Variants in TMEM63C observed in about 807,000 individuals in gnomAD.
TMEM63C encodes the protein osmosensitive cation channel TMEM63C.
Under a neutral mutation model 99.2 loss-of-function variants are expected in TMEM63C, and 32 were observed. That is an observed-to-expected ratio of 0.32 (90% CI 0.24 to 0.43). TMEM63C has a LOEUF of 0.43. Among genes scored for constraint, TMEM63C ranks in the 20% least tolerant of loss-of-function variants. The pLI is 1.00. For missense variants in TMEM63C, 826 were observed against 1,053.0 expected (o/e 0.78, Z 2.98); for synonymous variants, 376 against 397.9 (o/e 0.94, Z 0.66).
Position 77,256,459 on chromosome 14 carries a change from G to C in TMEM63C, c.2221-67G>C, listed in dbSNP as rs1309827856. ...GCGATGGGGGTGGGGCATGAGGGGA[G>C]AGGGTGTGCCCAGGGCCTTGCCCCC... On this transcript the variant is annotated intron_variant, in intron 23 of 23. Coordinates refer to ENST00000298351, the MANE Select transcript of TMEM63C (RefSeq NM_020431.4). The C allele has an allele frequency of 2.7e-6, 4 of 1,507,576 alleles. No individual in the cohort carries two copies. In the African/African-American group the frequency reaches 4.1e-5, roughly 16 times the overall value. The allele number at this position is 1,507,576 out of a possible 1,614,324, so 93.4% of individuals were successfully genotyped here. A position where few individuals can be genotyped will look rare whatever the true frequency, so the allele number is the denominator to read the frequency against.
intron 1 of TMEM63C, among the ~76,000 whole-genome samples, chr14:77,200,596 C>T (rs1405942999): frequency 6.6e-6 from 1 of 152,224 alleles, no homozygotes; most frequent in Non-Finnish European, 1.5e-5. Flanking sequence ...ACAGATGGCG[C>T]CAGAGCCCAG....
At chr14:77,208,206 G>A (rs549528939) in intron 1 of TMEM63C, among the ~76,000 whole-genome samples, 35 of 152,328 alleles carry the variant, frequency 2.3e-4, no homozygotes, top group African/African-American at 7.2e-4. Flanking sequence ...GCAGGGTCTC[G>A]AAATCACTGG....
At chr14:77,185,106 C>A (rs1023880897) in intron 1 of TMEM63C, among the ~76,000 whole-genome samples, 1 of 152,198 alleles carries the variant, frequency 6.6e-6, no homozygotes, top group Non-Finnish European at 1.5e-5. Flanking sequence ...CAAAGGGAAA[C>A]CGAAGCATAG....
At position 77,184,555 on chromosome 14, in the gene TMEM63C, G is replaced by A. The variant is rs368004261; in HGVS notation, c.-77+2661G>A. 1.4e-3 allele frequency among the ~76,000 whole-genome samples: 211 copies of A among 152,286 alleles called. 2 individuals are homozygous for A. Among genetic ancestry groups the A allele is most frequent in the South Asian group, 8.7e-3 (42 of 4,824 alleles). ...GAGCGTCCAGTTTGCAGGAACCCAC[G>A]TGGTGCTCAGGCCATGGGCAGGCTC... is the stretch of plus-strand genomic sequence containing the variant. On this transcript the variant is annotated intron_variant, in intron 1 of 23. Coordinates refer to ENST00000298351, the MANE Select transcript of TMEM63C (RefSeq NM_020431.4).
chr14:77,205,187 G>A (rs987416652), intron 1 of TMEM63C, among the ~76,000 whole-genome samples: 2 of 152,330 alleles, frequency 1.3e-5, no homozygotes, highest in African/African-American at 4.8e-5. Context: ...ATGGAAGTGA[G>A]GGGGAAGTTT....
chr14:77,221,711 C>T (rs1466792564), intron 5 of TMEM63C, among the ~76,000 whole-genome samples: 1 of 145,884 alleles, frequency 6.9e-6, no homozygotes, highest in East Asian at 2.1e-4. Flanking sequence ...GCCTCAACCT[C>T]CTCAAATGTG....
chr14:77,233,118 G>C lies in TMEM63C; in HGVS notation c.494-334G>C, dbSNP rs1888973201. 2.0e-5 allele frequency among the ~76,000 whole-genome samples: 3 copies of C among 152,218 alleles called. No individual in the cohort carries two copies. In the South Asian group the frequency reaches 6.2e-4, roughly 32 times the overall value. On this transcript the variant is annotated intron_variant, in intron 7 of 23. Transcript: ENST00000298351. ...TTTCTGGACGTTGCCAGTGGTAATA[G>C]TGTTGCTAATTTCATCATTCTGCTC...
intron 8 of TMEM63C, among the ~76,000 whole-genome samples, 177 bp from the exon 9 acceptor site, chr14:77,236,442 TGGGGG>T (rs1889062700): frequency 5.1e-4 from 18 of 35,172 alleles, no homozygotes; most frequent in Admixed American, 1.1e-3. Context: ...TGGGTGGGGG[TGGGGG>T]ATACTGTAAT....
chr14:77,253,497 G>A, intron 23 of TMEM63C, 121 bp downstream of exon 23: 1 of 975,772 alleles, frequency 1.0e-6, no homozygotes, highest in Non-Finnish European at 1.6e-6. Context: ...AGGAGATGGG[G>A]GACCCCTGGG....
intron 21 of TMEM63C, among the ~76,000 whole-genome samples, chr14:77,251,468 G>A (rs887904727): frequency 1.3e-5 from 2 of 152,172 alleles, no homozygotes; most frequent in African/African-American, 2.4e-5. Context: ...GGCACTGGCA[G>A]AAATAGTCAC....
chr14:77,210,931 G>A (rs1594854624), intron 1 of TMEM63C, among the ~76,000 whole-genome samples: 1 of 152,202 alleles, frequency 6.6e-6, no homozygotes, highest in Admixed American at 6.5e-5. Context: ...TTTTCCTAGG[G>A]CATGGCTTGT....
At chr14:77,200,843 C>T (rs755548298) in intron 1 of TMEM63C, among the ~76,000 whole-genome samples, 7 of 152,196 alleles carry the variant, frequency 4.6e-5, no homozygotes, top group Admixed American at 4.6e-4. Context: ...ACTGGCTAGG[C>T]TCAAATCTCA....
In TMEM63C at chr14:77,234,012, G is replaced by A. The variant is rs184907395; in HGVS notation, c.542+512G>A. 2.6e-5 allele frequency among the ~76,000 whole-genome samples: 4 copies of A among 152,274 alleles called. No homozygotes were observed. In the East Asian group the frequency reaches 7.7e-4, roughly 29 times the overall value. ...GTCCTTATTCATGTCCATCATTGGG[G>A]AAGAGCTGGTGGACATGCTCTCTAA... On this transcript the variant is annotated intron_variant, in intron 8 of 23. Coordinates refer to ENST00000298351, the MANE Select transcript of TMEM63C (RefSeq NM_020431.4).
At chr14:77,253,034 G>T (rs974418664) in intron 22 of TMEM63C, among the ~76,000 whole-genome samples, 1 of 152,242 alleles carries the variant, frequency 6.6e-6, no homozygotes, top group Non-Finnish European at 1.5e-5. Flanking sequence ...AGTCAAAGCA[G>T]GCTCATCTTT....
At chr14:77,186,776 G>GGTGT (rs750331360) in intron 1 of TMEM63C, among the ~76,000 whole-genome samples, 6,361 of 138,430 alleles carry the variant, frequency 0.046, 206 homozygotes, top group African/African-American at 0.081. Context: ...GAACCAAAGG[G>GGTGT]GTGTGTGTGT....
intron 2 of TMEM63C, among the ~76,000 whole-genome samples, chr14:77,218,238 AAAG>A (rs200595902): frequency 2.3e-5 from 2 of 86,884 alleles, no homozygotes; most frequent in South Asian, 4.1e-4. Flanking sequence ...GTTAAAAAAA[AAAG>A]AGGGGGGTGT....
chr14:77,239,384 G>T (rs201226070), intron 10 of TMEM63C, 28 bp from the exon 11 acceptor site: 4 of 1,612,248 alleles, frequency 2.5e-6, no homozygotes, highest in South Asian at 1.1e-5. Context: ...CCCACAGGCC[G>T]ACTCAGCACC....
chr14:77,211,014 G>A (rs1394558516), intron 1 of TMEM63C, among the ~76,000 whole-genome samples: 1 of 152,218 alleles, frequency 6.6e-6, no homozygotes, highest in Admixed American at 6.5e-5. Context: ...CATGGGGATG[G>A]TGGAGCAGAC....
At position 77,249,151 on chromosome 14, in the gene TMEM63C, A is replaced by C. The variant is rs904485632; in HGVS notation, c.1871-140A>C. The C allele has an allele frequency of 7.9e-6, 7 of 884,734 alleles. No individual in the cohort carries two copies. The African/African-American group carries it at 9.9e-5, about 13-fold the overall frequency. 54.8% of individuals were successfully genotyped at this position (884,734 alleles called of 1,614,324 possible). ...GCTGCTGGCTCCGGAGGTCAGTACC[A>C]CGGAGCTCCCCCAACCCATCCTTGG... On this transcript the variant is annotated intron_variant, in intron 20 of 23. Transcript: ENST00000298351.
Sources: gnomAD v4.1 joint callset for allele counts (sites outside exome capture counted in the v4.1 genomes callset) on GRCh38, gnomAD v4.1.1 for gene constraint, MANE v1.5 for transcripts, NCBI Gene and HGNC (gene_info 2026-07-23, HGNC 2026-07-21) for gene names.